MARCHF1: variants seen among roughly 807,000 people sequenced by gnomAD.
The protein encoded by MARCHF1 is E3 ubiquitin-protein ligase MARCHF1.
A neutral mutation model predicts 54.2 loss-of-function variants in MARCHF1; 40 were observed. The ratio of observed to expected loss-of-function variants is 0.74; its 90% confidence interval spans 0.57 to 0.96. The LOEUF is 0.96. Among genes scored for constraint, MARCHF1 ranks in the 40% least tolerant of loss-of-function variants. MARCHF1 has a pLI of 0.00. For missense variants in MARCHF1, 586 were observed against 656.5 expected, an observed-to-expected ratio of 0.89 and a Z score of 1.17; for synonymous variants, 236 against 236.3, an observed-to-expected ratio of 1.00 and a Z score of 0.01.
chr4:163,534,118 G>T (rs761758226), intron 9 of MARCHF1, among the ~76,000 whole-genome samples: 1 of 151,938 alleles, frequency 6.6e-6, no homozygotes, highest in South Asian at 2.1e-4. Flanking sequence ...AGAGTGCCGC[G>T]CTCTTTACAA....
intron 1 of MARCHF1, among the ~76,000 whole-genome samples, chr4:164,212,882 A>G (rs1490771161): frequency 6.6e-6 from 1 of 152,194 alleles, no homozygotes; most frequent in Non-Finnish European, 1.5e-5. Context: ...TCCAACCAAT[A>G]TGTTATGAGT....
chr4:164,185,809 C>CAAA (rs33914299), intron 1 of MARCHF1, among the ~76,000 whole-genome samples: 2 of 149,620 alleles, frequency 1.3e-5, no homozygotes, highest in East Asian at 2.0e-4. Flanking sequence ...CACACACACA[C>CAAA]AAAAAAAAAA....
chr4:164,033,610 C>G (rs547798874), intron 2 of MARCHF1, among the ~76,000 whole-genome samples: 1 of 152,206 alleles, frequency 6.6e-6, no homozygotes, highest in South Asian at 2.1e-4. Context: ...AGAAAGTGGG[C>G]AAAGTATATG....
At chr4:163,554,221 A>C (rs1363592678) in intron 8 of MARCHF1, among the ~76,000 whole-genome samples, 5 of 152,220 alleles carry the variant, frequency 3.3e-5, no homozygotes, top group Non-Finnish European at 5.9e-5. Flanking sequence ...AGTAAGAGAT[A>C]TATATTGTAC....
intron 3 of MARCHF1, among the ~76,000 whole-genome samples, chr4:163,955,627 T>A (rs1434808215): frequency 6.6e-6 from 1 of 152,140 alleles, no homozygotes; most frequent in East Asian, 1.9e-4. Flanking sequence ...TTCTTGAAGA[T>A]CGCATCTAAC....
In MARCHF1 at chr4:163,978,156, C is replaced by A. The variant is rs190898698; in HGVS notation, c.-39+10345G>T. Among the ~76,000 whole-genome samples, 289 of 152,268 alleles carry A rather than the reference C, an allele frequency of 1.9e-3. 1 individual carries two copies. The highest frequency in any genetic ancestry group is 6.6e-3 in the African/African-American group (276 of 41,556). ...TTAGATTTCACTTATCTAAGGCAAA[C>A]AAACATGGTCTGTTTAAGTAGAGGT... On this transcript the variant is annotated intron_variant, in intron 3 of 9. Coordinates refer to ENST00000514618, the MANE Select transcript of MARCHF1 (RefSeq NM_001394959.1).
chr4:163,852,394 CA>C (rs1749665920), intron 4 of MARCHF1, among the ~76,000 whole-genome samples: 1 of 152,124 alleles, frequency 6.6e-6, no homozygotes, highest in African/African-American at 2.4e-5. Context: ...AGCACAGAAG[CA>C]GTAATTTTTT....
chr4:163,795,323 G>A (rs376362440), intron 4 of MARCHF1, among the ~76,000 whole-genome samples: 560 of 152,022 alleles, frequency 3.7e-3, no homozygotes, highest in Admixed American at 8.0e-3. Flanking sequence ...TCTGCCTCCC[G>A]GGTTCAAGAG....
intron 3 of MARCHF1, among the ~76,000 whole-genome samples, chr4:163,857,333 G>T (rs1157373390): frequency 6.6e-6 from 1 of 152,090 alleles, no homozygotes; most frequent in Non-Finnish European, 1.5e-5. Flanking sequence ...TGATTGCTGA[G>T]CCTCTGTAGA....
chr4:163,717,866 C>T (rs948229148), intron 4 of MARCHF1, among the ~76,000 whole-genome samples: 1 of 151,276 alleles, frequency 6.6e-6, no homozygotes, highest in South Asian at 2.1e-4. Flanking sequence ...CTTGTAAATT[C>T]GTCCTGGAGG....
chr4:163,789,093 T>A (rs1747699926), intron 4 of MARCHF1, among the ~76,000 whole-genome samples: 1 of 152,076 alleles, frequency 6.6e-6, no homozygotes, highest in Non-Finnish European at 1.5e-5. Flanking sequence ...CAAGAAAGAT[T>A]TTTCTCTTTT....
At position 164,308,963 on chromosome 4, in the gene MARCHF1, T is replaced by TA. The variant is rs11322726; in HGVS notation, c.-323+74906dup. The stretch of plus-strand genomic sequence containing the variant: ...GTACTCCTGAACCTAAAATAAAAGT[T>TA]AAAAAAAAAAAAAAAGAAAGAGAAA... On this transcript the variant is annotated intron_variant, in intron 1 of 9. Coordinates refer to ENST00000514618, the MANE Select transcript of MARCHF1 (RefSeq NM_001394959.1). Among the ~76,000 whole-genome samples the TA allele has an allele frequency of 9.9e-3, 1,236 of 124,432 alleles. 6 individuals carry two copies. The highest frequency in any genetic ancestry group is 0.022 in the East Asian group (102 of 4,740). 81.6% of individuals were successfully genotyped at this position (124,432 alleles called of 152,430 possible).
At chr4:164,201,902 A>G (rs1047533980) in intron 1 of MARCHF1, among the ~76,000 whole-genome samples, 5 of 152,360 alleles carry the variant, frequency 3.3e-5, no homozygotes, top group Admixed American at 3.3e-4. Context: ...TTAAGGCAAG[A>G]AAAAGAAAAA....
intron 1 of MARCHF1, among the ~76,000 whole-genome samples, chr4:164,174,159 A>G (rs538291068): frequency 2.6e-5 from 4 of 152,300 alleles, no homozygotes; most frequent in African/African-American, 9.6e-5. Context: ...TCAATGTGCA[A>G]TCTTGAGCTT....
intron 1 of MARCHF1, among the ~76,000 whole-genome samples, chr4:164,159,776 G>C (rs10024778): frequency 0.39 from 58,961 of 151,966 alleles, 12,575 homozygotes; most frequent in Non-Finnish European, 0.49. Context: ...GCAGGAAATA[G>C]AGTATAGTGG....
At chr4:163,663,093 T>C (rs1234009922) in intron 5 of MARCHF1, among the ~76,000 whole-genome samples, 1 of 152,132 alleles carries the variant, frequency 6.6e-6, no homozygotes. Context: ...TCAGAGAATT[T>C]GTTTTTTCTT....
In MARCHF1 at chr4:164,045,316, AGCC is replaced by A. The variant is rs386681538; in HGVS notation, c.-247-56610_-247-56608del. 5.8e-3 allele frequency among the ~76,000 whole-genome samples: 886 copies of A among 152,106 alleles called. 10 individuals are homozygous for A. The highest frequency in any genetic ancestry group is 0.021 in the African/African-American group (853 of 41,528). ...CACTTGAGGTTAGGAGTTTGAGATC[AGCC>A]TGGCCAAAATGGTGAAACCCTGTCT... On this transcript the variant is annotated intron_variant, in intron 2 of 9. Coordinates refer to ENST00000514618, the MANE Select transcript of MARCHF1 (RefSeq NM_001394959.1).
chr4:163,788,743 T>G (rs1387511198), intron 4 of MARCHF1, among the ~76,000 whole-genome samples: 1 of 152,012 alleles, frequency 6.6e-6, no homozygotes, highest in Admixed American at 6.6e-5. Flanking sequence ...CCTGGTAAGG[T>G]GGCATCTGAC....
intron 1 of MARCHF1, among the ~76,000 whole-genome samples, chr4:164,185,809 C>CACA (rs1265860547): frequency 2.6e-4 from 39 of 149,622 alleles, no homozygotes; most frequent in East Asian, 7.9e-4. Context: ...CACACACACA[C>CACA]AAAAAAAAAA....
Sources: allele counts gnomAD v4.1 joint callset (sites outside exome capture counted in the v4.1 genomes callset), GRCh38; gene constraint gnomAD v4.1.1; transcripts MANE v1.5; gene names NCBI Gene and HGNC (gene_info 2026-07-23, HGNC 2026-07-21).